MYSM1: variants seen among roughly 807,000 people sequenced by gnomAD.
MYSM1 encodes Myb like, SWIRM and MPN domains 1, also known as deubiquitinase MYSM1.
MYSM1 carries 51 observed loss-of-function variants against 116.0 expected under a neutral mutation model. The ratio of observed to expected loss-of-function variants is 0.44; its 90% confidence interval spans 0.35 to 0.56. The LOEUF is 0.56. Ranked by LOEUF, MYSM1 falls within the 20% of genes least tolerant of loss-of-function variation. The probability of loss-of-function intolerance (pLI) is 0.00; values close to 1 mark genes in which losing one functional copy is unlikely to be tolerated. For missense variants in MYSM1, 900 were observed against 974.9 expected (o/e 0.92, Z 1.02); for synonymous variants, 313 against 315.2 (o/e 0.99, Z 0.07).
chr1:58,677,488 C>CT (rs1174342205), intron 8 of MYSM1, among the ~76,000 whole-genome samples: 7 of 152,088 alleles, frequency 4.6e-5, no homozygotes, highest in African/African-American at 1.7e-4. Context: ...TTTCAATTAT[C>CT]AGCTATCTTA....
In MYSM1 at chr1:58,674,893, C is replaced by T. The variant is rs528846458; in HGVS notation, c.1494+584G>A. 3.3e-4 allele frequency among the ~76,000 whole-genome samples: 49 copies of T among 147,510 alleles called. No individual in the cohort carries two copies. The South Asian group carries it at 9.5e-3, about 28-fold the overall frequency. ...AGTGAGCCGAGATGGCACCACCATACTCTAGCCTGGGTGACACAGCGAGAC... is the reference window on the plus strand; with the variant it reads ...AGTGAGCCGAGATGGCACCACCATATTCTAGCCTGGGTGACACAGCGAGAC... On this transcript the variant is annotated intron_variant, in intron 10 of 19. Coordinates refer to ENST00000472487, the MANE Select transcript of MYSM1 (RefSeq NM_001085487.3).
intron 10 of MYSM1, among the ~76,000 whole-genome samples, chr1:58,674,881 G>A (rs11207289): frequency 0.56 from 83,641 of 148,118 alleles, 23,880 homozygotes; most frequent in East Asian, 0.63. Flanking sequence ...GAGCCGAGAT[G>A]GCACCACCAT....
At chr1:58,665,247 C>T (rs1257093416) in intron 17 of MYSM1, among the ~76,000 whole-genome samples, 1 of 152,138 alleles carries the variant, frequency 6.6e-6, no homozygotes, top group African/African-American at 2.4e-5. Context: ...CACTGCCTGG[C>T]CATAACTTTT....
chr1:58,682,086 T>A lies in MYSM1; in HGVS notation c.958A>T (p.Ile320Phe). The A allele has an allele frequency of 6.2e-7, 1 of 1,614,142 alleles. No individual in the cohort carries two copies. The highest frequency in any genetic ancestry group is 8.5e-7 in the Non-Finnish European group (1 of 1,180,018). ...ELNDQKFNELIKNCNKHDGRG... is the reference protein window; with the variant it reads ...ELNDQKFNELFKNCNKHDGRG... ...CCATCATGCTTGTTGCAGTTTTTAATCAATTCATTAAATTTCTGGTCATTT... is the reference window on the plus strand; with the variant it reads ...CCATCATGCTTGTTGCAGTTTTTAAACAATTCATTAAATTTCTGGTCATTT... The change falls in exon 8 of 20, where the codon ATT (isoleucine) becomes TTT (phenylalanine). Residue 320 changes from isoleucine to phenylalanine, a missense_variant. This residue lies in a region of MYSM1 where 622 missense variants were observed against 623.7 expected (regional missense o/e 1.00). Transcript: ENST00000472487.
intron 12 of MYSM1, among the ~76,000 whole-genome samples, chr1:58,669,725 G>A (rs1019198804): frequency 2.0e-5 from 3 of 151,384 alleles, no homozygotes; most frequent in African/African-American, 7.3e-5. Flanking sequence ...CCACTCGGGA[G>A]GCTGAGGTGG....
intron 8 of MYSM1, among the ~76,000 whole-genome samples, chr1:58,679,737 T>C (rs757556055): frequency 5.9e-5 from 9 of 152,146 alleles, no homozygotes; most frequent in Admixed American, 1.3e-4. Flanking sequence ...GGGATGAAAA[T>C]TGTGAGTCAG....
chr1:58,698,102 A>ATATATATATATATATATATATATTTT, intron 1 of MYSM1, among the ~76,000 whole-genome samples: 4 of 7,772 alleles, frequency 5.1e-4, no homozygotes, highest in African/African-American at 1.0e-3. Context: ...ATATATATAT[A>ATATATATATATATATATATATATTTT]TTTTTTTTTT....
chr1:58,655,999 T>G lies in MYSM1; in HGVS notation c.*3998A>C, dbSNP rs1214034902. On this transcript the variant is annotated 3_prime_UTR_variant, in exon 20 of 20. Transcript: ENST00000472487. ...TGGATGGCTTCAACTCAGGTGCTCA[T>G]GTGTTACATGGCTGTTTTGTGAGCA... 1 of 152,194 alleles carries G rather than the reference T, an allele frequency of 6.6e-6. No homozygotes were observed. The highest frequency in any genetic ancestry group is 1.5e-5 in the Non-Finnish European group (1 of 68,032). The allele number at this position is 152,194 out of a possible 1,614,324, so 9.4% of individuals were successfully genotyped here.
At chr1:58,687,316 CAAA>C (rs1644840945) in intron 6 of MYSM1, among the ~76,000 whole-genome samples, 1 of 152,126 alleles carries the variant, frequency 6.6e-6, no homozygotes, top group Non-Finnish European at 1.5e-5. Flanking sequence ...GAAGAAAACA[CAAA>C]GAAGACACTG....
intron 17 of MYSM1, among the ~76,000 whole-genome samples, chr1:58,662,462 C>CGT (rs11431098): frequency 2.7e-5 from 3 of 109,192 alleles, no homozygotes; most frequent in Middle Eastern, 4.6e-3. Context: ...TCACCCCCCC[C>CGT]TTTTTTTTTT....
At position 58,690,237 on chromosome 1, in the gene MYSM1, T is replaced by C. The variant is rs769421458; in HGVS notation, c.309A>G (p.Thr103=). ...DKKYMKSLQK[T]AKIMVHSPTK... ...ATATAAGTACATACATGATTTTTGCTGTTTTCTGCAGACTGCATCACATGA... is the reference window on the plus strand; with the variant it reads ...ATATAAGTACATACATGATTTTTGCCGTTTTCTGCAGACTGCATCACATGA... Residue 103 remains threonine (T), a synonymous_variant, in exon 5 of 20, where the codon ACA becomes ACG. Coordinates refer to ENST00000472487, the MANE Select transcript of MYSM1 (RefSeq NM_001085487.3). 1.9e-6 allele frequency: 3 copies of C among 1,569,874 alleles called. No homozygotes were observed. The highest frequency in any genetic ancestry group is 2.6e-6 in the Non-Finnish European group (3 of 1,161,024).
In MYSM1 at chr1:58,700,035, C is replaced by A. The variant is rs763642539; in HGVS notation, c.18G>T (p.Ala6=). 6.2e-7 allele frequency: 1 copy of A among 1,613,772 alleles called. No homozygotes were observed. Among genetic ancestry groups the A allele is most frequent in the South Asian group, 1.1e-5 (1 of 91,084 alleles). The change falls in exon 1 of 20, where the codon GCG becomes GCT. Residue 6 remains alanine (A), a synonymous_variant. Coordinates refer to ENST00000472487, the MANE Select transcript of MYSM1 (RefSeq NM_001085487.3). ...CCACGTCCCCTTCGATATCCACATC[C>A]GCCTCTTCAGCCGCCATGATGGGAC... MAAEE[A]DVDIEGDVVA... is the part of the protein sequence containing the mutation.
intron 1 of MYSM1, among the ~76,000 whole-genome samples, chr1:58,697,884 CA>C (rs1366140704): frequency 6.6e-6 from 1 of 150,612 alleles, no homozygotes; most frequent in East Asian, 2.0e-4. Flanking sequence ...CCACCGCACC[CA>C]GCCAACCCAA....
intron 19 of MYSM1, among the ~76,000 whole-genome samples, chr1:58,660,481 G>T (rs1644374610): frequency 6.6e-6 from 1 of 152,010 alleles, no homozygotes; most frequent in South Asian, 2.1e-4. Flanking sequence ...AAATAATCCT[G>T]AGTATACACA....
chr1:58,681,390 A>C (rs1644739317), intron 8 of MYSM1, among the ~76,000 whole-genome samples: 1 of 152,234 alleles, frequency 6.6e-6, no homozygotes, highest in African/African-American at 2.4e-5. Context: ...GTGTTTCTGC[A>C]ATCTGGCCAC....
intron 12 of MYSM1, among the ~76,000 whole-genome samples, chr1:58,669,447 T>C (rs1383914133): frequency 2.0e-5 from 3 of 152,188 alleles, no homozygotes; most frequent in Non-Finnish European, 4.4e-5. Flanking sequence ...CACTATAGAA[T>C]AGGAACTTAA....
intron 7 of MYSM1, among the ~76,000 whole-genome samples, chr1:58,683,889 A>C (rs6587836): frequency 0.56 from 85,386 of 151,926 alleles, 24,251 homozygotes; most frequent in East Asian, 0.62. Context: ...TTGATTTCAT[A>C]ATATACTAGT....
chr1:58,670,772 G>T (rs528494616), intron 12 of MYSM1, among the ~76,000 whole-genome samples: 1 of 152,114 alleles, frequency 6.6e-6, no homozygotes, highest in Non-Finnish European at 1.5e-5. Context: ...ATTAAACATT[G>T]CAATCAGTGA....
intron 14 of MYSM1, chr1:58,668,410 A>C (rs935646979): frequency 2.3e-6 from 3 of 1,292,692 alleles, no homozygotes; most frequent in Non-Finnish European, 2.9e-6. Context: ...AATGATGGTA[A>C]ACAGTCTGCA....
Sources: gnomAD v4.1 joint callset for allele counts (sites outside exome capture counted in the v4.1 genomes callset) on GRCh38, gnomAD v4.1.1 for gene constraint, gnomAD v4.1.1 regional missense constraint, MANE v1.5 for transcripts, NCBI Gene and HGNC (gene_info 2026-07-23, HGNC 2026-07-21) for gene names.